The following CRB1 variants were observed in gnomAD, a reference collection of about 807,000 sequenced individuals.
CRB1 encodes the protein crumbs cell polarity complex component 1.
In CRB1, 83 loss-of-function variants were observed where a neutral mutation model predicts 120.0. That is an observed-to-expected ratio of 0.69 (90% confidence interval 0.58 to 0.83). The LOEUF is 0.83. Among genes scored for constraint, CRB1 ranks in the 40% least tolerant of loss-of-function variants. CRB1 has a pLI of 0.00. For missense variants in CRB1, 1,699 were observed against 1,687.6 expected (o/e 1.01, Z -0.12); for synonymous variants, 625 against 612.5 (o/e 1.02, Z -0.30).
intron 1 of CRB1, among the ~76,000 whole-genome samples, chr1:197,292,796 C>A (rs1656269610): frequency 6.6e-6 from 1 of 151,950 alleles, no homozygotes; most frequent in Non-Finnish European, 1.5e-5. Flanking sequence ...ATAAACAGAA[C>A]CAAAGACAAA....
chr1:197,384,111 A>G (rs1662092501), intron 5 of CRB1, among the ~76,000 whole-genome samples: 1 of 152,184 alleles, frequency 6.6e-6, no homozygotes, highest in South Asian at 2.1e-4. Context: ...TAAAAACCTG[A>G]ATTGCTTACC....
intron 3 of CRB1, 25 bp downstream of exon 3, chr1:197,344,501 A>G (rs1285162535): frequency 6.2e-7 from 1 of 1,603,530 alleles, no homozygotes; most frequent in East Asian, 2.2e-5. Flanking sequence ...GCGTTGGGTG[A>G]TTGGCTTAGA....
Position 197,435,648 on chromosome 1 carries a change from A to T in CRB1, c.3749+36A>T, listed in dbSNP as rs1324109165. 28 of 1,550,262 alleles carry T rather than the reference A, an allele frequency of 1.8e-5. No homozygotes were observed. The East Asian group carries it at 6.1e-4, about 34-fold the overall frequency. The stretch of plus-strand genomic sequence containing the variant: ...AGTCCATATGAAGCTTGGTCTTTGA[A>T]GCTATACTCTGCATCACTGTTCTTG... On this transcript the variant is annotated intron_variant, in intron 9 of 11. Coordinates refer to ENST00000367400, the MANE Select transcript of CRB1 (RefSeq NM_201253.3).
intron 1 of CRB1, among the ~76,000 whole-genome samples, chr1:197,310,771 GT>G (rs535158378): frequency 1.1e-3 from 170 of 152,130 alleles, no homozygotes; most frequent in Non-Finnish European, 1.9e-3. Flanking sequence ...AATGACTTTT[GT>G]TTTTAATAGA....
chr1:197,410,552 C>A (rs1444431432), intron 5 of CRB1, among the ~76,000 whole-genome samples: 1 of 152,190 alleles, frequency 6.6e-6, no homozygotes, highest in Non-Finnish European at 1.5e-5. Flanking sequence ...ATGCTATGAA[C>A]AATTGCCTCA....
rs114713523 is a variant in CRB1, at chr1:197,426,509, G to A, written c.2129-945G>A. 6.8e-3 allele frequency among the ~76,000 whole-genome samples: 1,034 copies of A among 152,224 alleles called. 14 individuals carry two copies. The highest frequency in any genetic ancestry group is 0.023 in the African/African-American group (973 of 41,540). ...TCCAACTAGAATGTAAGCTTGATGAGGATGGGAAGTTTTCTTCCTACTATG... is the reference window on the plus strand; with the variant it reads ...TCCAACTAGAATGTAAGCTTGATGAAGATGGGAAGTTTTCTTCCTACTATG... On this transcript the variant is annotated intron_variant, in intron 6 of 11. Transcript: ENST00000367400.
At chr1:197,415,036 G>A (rs1459303328) in intron 5 of CRB1, among the ~76,000 whole-genome samples, 1 of 151,808 alleles carries the variant, frequency 6.6e-6, no homozygotes, top group East Asian at 1.9e-4. Context: ...TTTAAAACTT[G>A]CTTTTCTGTT....
chr1:197,399,588 C>A (rs6669261), intron 5 of CRB1, among the ~76,000 whole-genome samples: 2,160 of 152,270 alleles, frequency 0.014, 39 homozygotes, highest in African/African-American at 0.049. Flanking sequence ...TGCCGCATAA[C>A]AAATTTTCCC....
intron 4 of CRB1, among the ~76,000 whole-genome samples, chr1:197,353,051 G>A (rs1375103125): frequency 6.6e-6 from 1 of 152,122 alleles, no homozygotes; most frequent in Non-Finnish European, 1.5e-5. Flanking sequence ...GTTTTGTGAA[G>A]CACACAGCCT....
intron 8 of CRB1, among the ~76,000 whole-genome samples, chr1:197,433,555 C>T (rs532461912): frequency 2.6e-5 from 4 of 151,708 alleles, no homozygotes; most frequent in African/African-American, 9.7e-5. Context: ...TAGAGTGAGA[C>T]CATGGGGATA....
At chr1:197,257,857 C>T in the CRB1 span, among the ~76,000 whole-genome samples, 2 of 152,188 alleles carry the variant, frequency 1.3e-5, no homozygotes, top group Admixed American at 6.5e-5. Flanking sequence ...AGTCCTGTAG[C>T]CTCCCAGCTC....
intron 1 of CRB1, among the ~76,000 whole-genome samples, chr1:197,327,723 A>G (rs2125302409): frequency 6.6e-6 from 1 of 152,318 alleles, no homozygotes; most frequent in Admixed American, 6.5e-5. Flanking sequence ...TCTTGTGCAG[A>G]GGTTTTCAAA....
intron 3 of CRB1, among the ~76,000 whole-genome samples, chr1:197,346,523 G>A (rs779099456): frequency 3.3e-5 from 5 of 152,134 alleles, no homozygotes; most frequent in Non-Finnish European, 7.4e-5. Flanking sequence ...TTGGTTTGGT[G>A]ATAAAAACAC....
At position 197,338,300 on chromosome 1, in the gene CRB1, A is replaced by G. The variant is rs148923295; in HGVS notation, c.653-5981A>G. Among the ~76,000 whole-genome samples, 659 of 152,252 alleles carry G rather than the reference A, an allele frequency of 4.3e-3. 5 individuals carry two copies. The highest frequency in any genetic ancestry group is 0.015 in the African/African-American group (632 of 41,562). On this transcript the variant is annotated intron_variant, in intron 2 of 11. Coordinates refer to ENST00000367400, the MANE Select transcript of CRB1 (RefSeq NM_201253.3). Reference sequence around the variant, plus strand: ...AATATATTACTATCTTGTAAATTTTATGATATTTATGATGCAAGTGAAGTG... The same window carrying G: ...AATATATTACTATCTTGTAAATTTTGTGATATTTATGATGCAAGTGAAGTG...
chr1:197,250,606 G>C, the CRB1 span, among the ~76,000 whole-genome samples: 1 of 151,994 alleles, frequency 6.6e-6, no homozygotes. Flanking sequence ...GCAGCATTAG[G>C]GGCGTAGAGA....
the CRB1 span, among the ~76,000 whole-genome samples, chr1:197,258,423 T>G: frequency 6.6e-6 from 1 of 152,318 alleles, no homozygotes; most frequent in Admixed American, 6.5e-5. Flanking sequence ...TACTTGCTAA[T>G]GTTCAATTCA....
intron 5 of CRB1, among the ~76,000 whole-genome samples, chr1:197,405,725 C>T (rs1328840052): frequency 6.6e-6 from 1 of 151,754 alleles, no homozygotes. Flanking sequence ...TCTGCCCAGC[C>T]GCCCTGTCTG....
the CRB1 span, among the ~76,000 whole-genome samples, chr1:197,249,277 C>G: frequency 2.6e-5 from 4 of 151,892 alleles, no homozygotes; most frequent in African/African-American, 9.7e-5. Context: ...AACCAGTCCC[C>G]TTTTGATGGA....
intron 1 of CRB1, 112 bp from the exon 2 acceptor site, chr1:197,328,310 C>A: frequency 1.2e-6 from 1 of 802,972 alleles, no homozygotes. Context: ...ATGAACCCAA[C>A]TATGTATTTT....
Sources: allele counts gnomAD v4.1 joint callset (sites outside exome capture counted in the v4.1 genomes callset), GRCh38; gene constraint gnomAD v4.1.1; transcripts MANE v1.5; gene names NCBI Gene and HGNC (gene_info 2026-07-23, HGNC 2026-07-21).